EML6: variants seen among roughly 807,000 people sequenced by gnomAD.
EML6 encodes echinoderm microtubule-associated protein-like 6.
In EML6, 154 loss-of-function variants were observed where a neutral mutation model predicts 240.1. The ratio of observed to expected loss-of-function variants is 0.64; its 90% CI spans 0.56 to 0.73. The LOEUF is 0.73. Among genes scored for constraint, EML6 ranks in the 30% least tolerant of loss-of-function variants. The pLI, the probability that EML6 is intolerant of heterozygous loss-of-function variation, is 0.00. For missense variants in EML6, 2,964 were observed against 2,474.6 expected (o/e 1.20, Z -4.20); for synonymous variants, 1,148 against 899.0 (o/e 1.28, Z -4.95).
intron 7 of EML6, among the ~76,000 whole-genome samples, chr2:54,830,230 T>A (rs1668799729): frequency 6.6e-6 from 1 of 151,888 alleles, no homozygotes. Flanking sequence ...AAGATTAAAG[T>A]GGAAAATGTA....
chr2:54,868,335 GA>G (rs1455333917), intron 14 of EML6: 1 of 152,152 alleles, frequency 6.6e-6, no homozygotes, highest in African/African-American at 2.4e-5. Context: ...ATTAAGCACA[GA>G]AAAATTTTGT....
At chr2:54,791,484 T>C (rs1669450920) in intron 2 of EML6, among the ~76,000 whole-genome samples, 1 of 152,242 alleles carries the variant, frequency 6.6e-6, no homozygotes, top group Non-Finnish European at 1.5e-5. Flanking sequence ...TTATCCATCA[T>C]TGTTGGAGTT....
intron 8 of EML6, among the ~76,000 whole-genome samples, chr2:54,845,098 C>A (rs1313206905): frequency 6.6e-6 from 1 of 152,124 alleles, no homozygotes; most frequent in African/African-American, 2.4e-5. Flanking sequence ...CTCACTAGTT[C>A]CCACCTCCCT....
intron 29 of EML6, 113 bp from the exon 30 acceptor site, chr2:54,950,537 C>A: frequency 8.3e-7 from 1 of 1,200,930 alleles, no homozygotes; most frequent in Non-Finnish European, 1.2e-6. Context: ...GTGTTGGCGT[C>A]ACCAGCCATA....
At chr2:54,847,411 C>G in intron 8 of EML6, 75 bp from the exon 9 acceptor site, 2 of 1,475,144 alleles carry the variant, frequency 1.4e-6, no homozygotes, top group Non-Finnish European at 1.8e-6. Flanking sequence ...TGGTGAGCAG[C>G]CCTTCTTGCC....
chr2:54,763,448 A>T (rs1668058630), intron 2 of EML6, among the ~76,000 whole-genome samples: 1 of 152,220 alleles, frequency 6.6e-6, no homozygotes, highest in South Asian at 2.1e-4. Flanking sequence ...CATGATTCCA[A>T]AACTCCAGAC....
intron 12 of EML6, among the ~76,000 whole-genome samples, chr2:54,860,984 C>T (rs1206164851): frequency 6.6e-6 from 1 of 152,202 alleles, no homozygotes. Flanking sequence ...TTTACAAACA[C>T]TTACAGGAGT....
intron 28 of EML6, among the ~76,000 whole-genome samples, chr2:54,936,744 T>A (rs192824801): frequency 1.5e-3 from 232 of 152,328 alleles, no homozygotes; most frequent in African/African-American, 5.0e-3. Flanking sequence ...CCACTTCCTG[T>A]TTCTACATTA....
chr2:54,905,322 ACACACACAC>A, intron 24 of EML6, among the ~76,000 whole-genome samples: 2 of 674 alleles, frequency 3.0e-3, no homozygotes, highest in South Asian at 0.038. Flanking sequence ...TTAGAATCCG[ACACACACAC>A]ACACACACAC....
chr2:54,814,516 C>T (rs143537051), intron 3 of EML6, among the ~76,000 whole-genome samples: 1 of 152,212 alleles, frequency 6.6e-6, no homozygotes, highest in Admixed American at 6.5e-5. Context: ...CAACCGCCTC[C>T]GTTTCCTGTG....
rs372144425 is a variant in EML6, at chr2:54,869,299, C to T, written c.2170C>T (p.Leu724=). ...NRQQHSQRLY[L]GHDDDILSLT... is the part of the protein sequence containing the mutation. ...GCAGCAGCACTCCCAGAGGCTGTAC[C>T]TGGGGCACGATGACGACATTCTCAG... The change falls in exon 15 of 42, where the codon CTG becomes TTG. Residue 724 remains leucine (L), a synonymous_variant. Transcript: ENST00000356458. 5.2e-5 allele frequency: 81 copies of T among 1,551,578 alleles called. No individual in the cohort carries two copies. The African/African-American group carries it at 5.9e-4, about 11-fold the overall frequency.
chr2:54,823,878 T>TCTCTCTCTCTCTCTCTCTCTCTG (rs60937620), intron 5 of EML6, among the ~76,000 whole-genome samples: 5 of 129,124 alleles, frequency 3.9e-5, no homozygotes, highest in African/African-American at 1.0e-4. Flanking sequence ...CTCTCTCTCT[T>TCTCTCTCTCTCTCTCTCTCTCTG]TCTGTCTCTC....
chr2:54,952,550 C>G (rs1243515822), intron 30 of EML6, 44 bp from the exon 31 acceptor site: 21 of 1,340,674 alleles, frequency 1.6e-5, no homozygotes, highest in African/African-American at 2.9e-5. Flanking sequence ...CCTAAAAGGT[C>G]TTTAGGTTCC....
chr2:54,802,777 G>T (rs781285402), intron 2 of EML6, among the ~76,000 whole-genome samples: 1 of 152,124 alleles, frequency 6.6e-6, no homozygotes, highest in Non-Finnish European at 1.5e-5. Flanking sequence ...CACACCCTGT[G>T]CTGAGCGTTC....
intron 26 of EML6, among the ~76,000 whole-genome samples, chr2:54,926,925 C>T (rs576029717): frequency 5.3e-5 from 8 of 152,248 alleles, no homozygotes; most frequent in Admixed American, 3.3e-4. Context: ...TGTAGAGAGG[C>T]ATTTCTCATG....
intron 24 of EML6, among the ~76,000 whole-genome samples, chr2:54,904,308 C>G (rs879733080): frequency 6.6e-6 from 1 of 152,096 alleles, no homozygotes; most frequent in African/African-American, 2.4e-5. Context: ...GTGAGTCACT[C>G]GTAAATCCTA....
At chr2:54,802,618 A>ACTACTAC (rs1670216088) in intron 2 of EML6, among the ~76,000 whole-genome samples, 2 of 139,946 alleles carry the variant, frequency 1.4e-5, no homozygotes, top group Non-Finnish European at 3.1e-5. Context: ...ACCCTGTCTC[A>ACTACTAC]TACTACTACT....
intron 13 of EML6, among the ~76,000 whole-genome samples, chr2:54,865,251 G>A (rs1173446557): frequency 6.6e-6 from 1 of 150,908 alleles, no homozygotes; most frequent in Non-Finnish European, 1.5e-5. Context: ...TGCTTTGGGA[G>A]GACAAAGTGG....
intron 2 of EML6, among the ~76,000 whole-genome samples, chr2:54,794,597 T>A (rs1216679614): frequency 2.0e-5 from 3 of 152,162 alleles, no homozygotes; most frequent in African/African-American, 7.2e-5. Flanking sequence ...GTCTGCCTAA[T>A]GTTTTTTCTA....
Sources: gnomAD v4.1 joint callset for allele counts (sites outside exome capture counted in the v4.1 genomes callset) on GRCh38, gnomAD v4.1.1 for gene constraint, MANE v1.5 for transcripts, NCBI Gene and HGNC (gene_info 2026-07-23, HGNC 2026-07-21) for gene names.